CARM1: variants seen among roughly 807,000 people sequenced by gnomAD.
CARM1 encodes histone-arginine methyltransferase CARM1.
A neutral mutation model predicts 72.7 loss-of-function variants in CARM1; 14 were observed. The observed-to-expected ratio is 0.19, with a 90% CI of 0.13 to 0.30. The LOEUF is 0.30. Among genes scored for constraint, CARM1 ranks in the 10% least tolerant of loss-of-function variants. The pLI is 1.00. For synonymous variants in CARM1, 333 were observed against 345.5 expected, an observed-to-expected ratio of 0.96 and a Z score of 0.40; for missense variants, 432 against 833.7, an observed-to-expected ratio of 0.52 and a Z score of 5.93.
intron 1 of CARM1, among the ~76,000 whole-genome samples, chr19:10,876,933 C>T (rs1459422618): frequency 7.2e-5 from 11 of 152,280 alleles, no homozygotes; most frequent in Admixed American, 7.2e-4. Flanking sequence ...GCTTTAGACT[C>T]TCCCATCCCC....
At chr19:10,890,793 A>T (rs79544987) in intron 1 of CARM1, among the ~76,000 whole-genome samples, 7,397 of 82,570 alleles carry the variant, frequency 0.09, 679 homozygotes, top group African/African-American at 0.19. Flanking sequence ...ATATATATAT[A>T]TATTTTTTTT....
chr19:10,874,935 G>T (rs1322592851), intron 1 of CARM1, among the ~76,000 whole-genome samples: 1 of 151,806 alleles, frequency 6.6e-6, no homozygotes, highest in Non-Finnish European at 1.5e-5. Context: ...GAGGTGGGAG[G>T]ATCGCTTGAA....
intron 1 of CARM1, among the ~76,000 whole-genome samples, chr19:10,898,551 C>A (rs144820801): frequency 6.6e-6 from 1 of 152,230 alleles, no homozygotes. Flanking sequence ...GGTCCTGCCC[C>A]CTTCCGCGGC....
chr19:10,883,737 G>T (rs1315056694), intron 1 of CARM1, among the ~76,000 whole-genome samples: 1 of 152,234 alleles, frequency 6.6e-6, no homozygotes, highest in Non-Finnish European at 1.5e-5. Flanking sequence ...AAAAAAATTG[G>T]CTGGGAGTGG....
chr19:10,898,414 C>T (rs1345974250), intron 1 of CARM1, among the ~76,000 whole-genome samples: 1 of 152,230 alleles, frequency 6.6e-6, no homozygotes. Context: ...GCTAGCCCTG[C>T]AGCCTGTCCC....
rs192767747 is a variant in CARM1 at position 10,912,484 on chromosome 19, C to G, written c.669+190C>G. Among the ~76,000 whole-genome samples the G allele has an allele frequency of 7.5e-4, 113 of 151,022 alleles. 1 individual carries two copies. In the East Asian group the frequency reaches 0.019, roughly 26 times the overall value. ...GCCTGAGATGATTTTCTCTCATGGC[C>G]GGTAGTCAGGGCCACATGTCATTTC... is the stretch of plus-strand genomic sequence containing the variant. On this transcript the variant is annotated intron_variant, in intron 5 of 15. Coordinates refer to ENST00000327064, the MANE Select transcript of CARM1 (RefSeq NM_199141.2). This position sits in a 1 kb window ranked among gnomAD's most constrained non-coding sequence, Gnocchi z 4.5.
rs1179936865 is a variant in CARM1, at chr19:10,871,583, A to AGCGGCGGCGGCG, written c.-115_-114insGGCGGCGGCGGC. 1.3e-4 allele frequency: 10 copies of AGCGGCGGCGGCG among 76,410 alleles called. No individual in the cohort carries two copies. The East Asian group carries it at 1.5e-3, about 11-fold the overall frequency. The allele number at this position is 76,410 out of a possible 1,614,324, so 4.7% of individuals were successfully genotyped here. A position where few individuals can be genotyped will look rare whatever the true frequency, so the allele number is the denominator to read the frequency against. On this transcript the variant is annotated 5_prime_UTR_variant, in exon 1 of 16. Coordinates refer to ENST00000327064, the MANE Select transcript of CARM1 (RefSeq NM_199141.2). The surrounding 1 kb of genome is among the most constrained non-coding windows in gnomAD (Gnocchi z 5.6). Reference sequence around the variant, plus strand: ...CCTGCACGGCGGCTGCGGCGGCGGTAGCGGCAGCGGCGGCGGCGGCGGCGG... The same window carrying AGCGGCGGCGGCG: ...CCTGCACGGCGGCTGCGGCGGCGGTAGCGGCGGCGGCGGCGGCAGCGGCGGCGGCGGCGGCGG...
At chr19:10,890,273 T>TTG (rs2073973018) in intron 1 of CARM1, among the ~76,000 whole-genome samples, 2 of 150,468 alleles carry the variant, frequency 1.3e-5, no homozygotes, top group African/African-American at 4.9e-5. Context: ...TTGTTTGTTT[T>TTG]TTTTTTTTTT....
intron 1 of CARM1, among the ~76,000 whole-genome samples, chr19:10,875,549 C>T (rs1036709489): frequency 2.0e-5 from 3 of 152,022 alleles, no homozygotes; most frequent in Non-Finnish European, 2.9e-5. Context: ...CTCAGCCTCC[C>T]GGGTAGCTGG....
chr19:10,906,729 T>A (rs572435305), intron 2 of CARM1, among the ~76,000 whole-genome samples: 1 of 152,236 alleles, frequency 6.6e-6, no homozygotes, highest in South Asian at 2.1e-4. Flanking sequence ...CCTCCCAAAG[T>A]GCTAGGATTA....
intron 1 of CARM1, among the ~76,000 whole-genome samples, chr19:10,873,633 T>TG (rs2073838189): frequency 8.7e-6 from 1 of 114,654 alleles, no homozygotes; most frequent in Non-Finnish European, 1.8e-5. Flanking sequence ...AGTTTTTTTT[T>TG]TTTTTTTTTT....
intron 2 of CARM1, among the ~76,000 whole-genome samples, chr19:10,906,869 T>TATTTC (rs1327416021): frequency 4.9e-5 from 5 of 102,822 alleles, no homozygotes; most frequent in African/African-American, 1.8e-4. Flanking sequence ...AGCTTTATTT[T>TATTTC]ATTTTATTTT....
chr19:10,916,713 A>G lies in CARM1; in HGVS notation c.956A>G (p.His319Arg). 6.4e-7 allele frequency: 1 copy of G among 1,565,036 alleles called. No homozygotes were observed. The highest frequency in any genetic ancestry group is 8.7e-7 in the Non-Finnish European group (1 of 1,154,604). Residue 319 changes from histidine (H) to arginine (R), a missense_variant, in exon 8 of 16, where the codon CAT becomes CGT. By Grantham distance (29) the His-to-Arg change is conservative. Transcript: ENST00000327064. This position sits in a 1 kb window ranked among gnomAD's most constrained non-coding sequence, Gnocchi z 4.4. The part of the protein sequence containing the change: ...KANFWYQPSF[H>R]GVDLSALRGA... ...GTCCACAGGTACCAGCCATCTTTCC[A>G]TGGAGTGGACCTGTCGGCCCTCCGA...
chr19:10,908,431 A>C, intron 3 of CARM1: 1 of 369,358 alleles, frequency 2.7e-6, no homozygotes, highest in Non-Finnish European at 5.1e-6. Flanking sequence ...AGCAGTTACA[A>C]TGCCCTGAGC....
chr19:10,885,859 G>GAGCCACAGC (rs2073937072), intron 1 of CARM1, among the ~76,000 whole-genome samples: 1 of 147,704 alleles, frequency 6.8e-6, no homozygotes, highest in Non-Finnish European at 1.5e-5. Flanking sequence ...CCCCCACAGG[G>GAGCCACAGC]AGCCACAGCA....
Position 10,896,268 on chromosome 19 carries a change from C to G in CARM1, c.221-8683C>G, listed in dbSNP as rs564539294. ...GCCGTGGAGCTGCTTGCTGCCCCAC[C>G]CACCATTCTCTAGTGTATTTTCTTC... is the stretch of plus-strand genomic sequence containing the variant. On this transcript the variant is annotated intron_variant, in intron 1 of 15. Coordinates refer to ENST00000327064, the MANE Select transcript of CARM1 (RefSeq NM_199141.2). The surrounding 1 kb of genome is among the most constrained non-coding windows in gnomAD (Gnocchi z 5.2). Among the ~76,000 whole-genome samples, 1 of 152,080 alleles carries G rather than the reference C, an allele frequency of 6.6e-6. No individual in the cohort carries two copies. Among genetic ancestry groups the G allele is most frequent in the South Asian group, 2.1e-4 (1 of 4,804 alleles).
chr19:10,871,976 C>A lies in CARM1; in HGVS notation c.220+54C>A, dbSNP rs1043364527. The A allele has an allele frequency of 3.5e-6, 4 of 1,159,270 alleles. No homozygotes were observed. The highest frequency in any genetic ancestry group is 4.3e-6 in the Non-Finnish European group (4 of 940,146). The allele number at this position is 1,159,270 out of a possible 1,614,324, so 71.8% of individuals were successfully genotyped here. A position where few individuals can be genotyped will look rare whatever the true frequency, so the allele number is the denominator to read the frequency against. On this transcript the variant is annotated intron_variant, in intron 1 of 15. Coordinates refer to ENST00000327064, the MANE Select transcript of CARM1 (RefSeq NM_199141.2). This position sits in a 1 kb window ranked among gnomAD's most constrained non-coding sequence, Gnocchi z 5.6. Reference sequence around the variant, plus strand: ...GGGCCGGGGCTGCTCACGAGGCCGGCCCGGGGCGGGGGCCGGCGGGGAGGG... The same window carrying A: ...GGGCCGGGGCTGCTCACGAGGCCGGACCGGGGCGGGGGCCGGCGGGGAGGG...
chr19:10,887,490 G>A (rs2073950370), intron 1 of CARM1, among the ~76,000 whole-genome samples: 5 of 152,266 alleles, frequency 3.3e-5, no homozygotes, highest in African/African-American at 1.2e-4. Context: ...GGTGGGGCCA[G>A]AAGGGCTCCT....
At chr19:10,909,862 G>A (rs1213729612) in intron 4 of CARM1, among the ~76,000 whole-genome samples, 17 of 151,884 alleles carry the variant, frequency 1.1e-4, no homozygotes, top group Admixed American at 1.1e-3. Context: ...CAAGATAGCC[G>A]CTACCCCTCA....
Sources: allele counts gnomAD v4.1 joint callset (sites outside exome capture counted in the v4.1 genomes callset), GRCh38; gene constraint gnomAD v4.1.1; non-coding constraint Gnocchi (gnomAD v3.1); transcripts MANE v1.5; gene names NCBI Gene and HGNC (gene_info 2026-07-23, HGNC 2026-07-21).